ARHGEF26: variants seen among roughly 807,000 people sequenced by gnomAD.
ARHGEF26 encodes Rho guanine nucleotide exchange factor 26.
A neutral mutation model predicts 89.4 loss-of-function variants in ARHGEF26; 59 were observed. That is an observed-to-expected ratio of 0.66 (90% confidence interval 0.54 to 0.82). ARHGEF26 has a LOEUF of 0.82. Among genes scored for constraint, ARHGEF26 ranks in the 40% least tolerant of loss-of-function variants. The pLI is 0.00. For synonymous variants in ARHGEF26, 500 were observed against 428.4 expected (o/e 1.17, Z -2.06); for missense variants, 1,234 against 1,085.6 (o/e 1.14, Z -1.92).
At chr3:154,134,860 T>C (rs1718908791) in intron 4 of ARHGEF26, among the ~76,000 whole-genome samples, 1 of 152,208 alleles carries the variant, frequency 6.6e-6, no homozygotes, top group East Asian at 1.9e-4. Context: ...TCTTTAGTTC[T>C]GTTTATATGA....
In ARHGEF26 at chr3:154,156,292, G is replaced by A. The variant is rs992588556; in HGVS notation, c.1487+3360G>A. On this transcript the variant is annotated intron_variant, in intron 6 of 14. Transcript: ENST00000465093. ...AGACTAAAATTTTACTTTAATTTCAGTCATTTACAAAATTCATTTAAGGTT... is the reference window on the plus strand; with the variant it reads ...AGACTAAAATTTTACTTTAATTTCAATCATTTACAAAATTCATTTAAGGTT... Among the ~76,000 whole-genome samples the A allele has an allele frequency of 3.9e-5, 6 of 152,030 alleles. No individual in the cohort carries two copies. The East Asian group carries it at 5.8e-4, about 15-fold the overall frequency.
intron 6 of ARHGEF26, among the ~76,000 whole-genome samples, chr3:154,169,667 G>T (rs1445839578): frequency 1.3e-5 from 2 of 152,154 alleles, no homozygotes; most frequent in African/African-American, 4.8e-5. Flanking sequence ...ACTGCTGTTG[G>T]CGTGAGTTCA....
chr3:154,255,857 T>C lies in ARHGEF26; in HGVS notation c.*384T>C. The C allele has an allele frequency of 9.9e-7, 1 of 1,008,818 alleles. No individual in the cohort carries two copies. The highest frequency in any genetic ancestry group is 1.2e-6 in the Non-Finnish European group (1 of 845,052). 62.5% of individuals were successfully genotyped at this position (1,008,818 alleles called of 1,614,324 possible). A position where few individuals can be genotyped will look rare whatever the true frequency, so the allele number is the denominator to read the frequency against. ...CTGTCTCTCTTTATACATCCTTGTATGGTTCTCCCAGTATTAGCAAGATTG... is the reference window on the plus strand; with the variant it reads ...CTGTCTCTCTTTATACATCCTTGTACGGTTCTCCCAGTATTAGCAAGATTG... On this transcript the variant is annotated 3_prime_UTR_variant, in exon 15 of 15. Transcript: ENST00000465093.
At chr3:154,236,050 TAAG>T (rs1717108814) in intron 11 of ARHGEF26, among the ~76,000 whole-genome samples, 1 of 152,174 alleles carries the variant, frequency 6.6e-6, no homozygotes, top group Admixed American at 6.5e-5. Context: ...ATAATCTCCT[TAAG>T]AAAGCCACTG....
At chr3:154,186,439 C>T (rs1470834003) in intron 6 of ARHGEF26, among the ~76,000 whole-genome samples, 1 of 151,876 alleles carries the variant, frequency 6.6e-6, no homozygotes, top group Non-Finnish European at 1.5e-5. Flanking sequence ...TTAGGTGACC[C>T]TAAATTGCTA....
intron 1 of ARHGEF26, 101 bp from the exon 2 acceptor site, chr3:154,121,841 C>T (rs1293552394): frequency 3.7e-6 from 4 of 1,078,720 alleles, no homozygotes; most frequent in Non-Finnish European, 3.9e-6. Context: ...GCAGTCGTGT[C>T]CTGCGCAGCA....
chr3:154,175,872 A>T (rs1341955357), intron 6 of ARHGEF26, among the ~76,000 whole-genome samples: 1 of 152,220 alleles, frequency 6.6e-6, no homozygotes, highest in East Asian at 1.9e-4. Context: ...TAATGGAAAG[A>T]TGTATAAACC....
At chr3:154,160,087 CA>C (rs1345388938) in intron 6 of ARHGEF26, among the ~76,000 whole-genome samples, 1 of 152,128 alleles carries the variant, frequency 6.6e-6, no homozygotes. Context: ...CTTCAACTGA[CA>C]GTTGAAAGAC....
intron 9 of ARHGEF26, among the ~76,000 whole-genome samples, chr3:154,198,887 A>G (rs1038545290): frequency 1.3e-5 from 2 of 152,102 alleles, no homozygotes; most frequent in Non-Finnish European, 2.9e-5. Context: ...AAATTTTTTT[A>G]TAGATAAGTA....
rs765346404 is a variant in ARHGEF26, at chr3:154,122,896, G to A, written c.904G>A (p.Val302Met). 2 of 1,613,040 alleles carry A rather than the reference G, an allele frequency of 1.2e-6. No individual in the cohort carries two copies. The highest frequency in any genetic ancestry group is 1.3e-5 in the African/African-American group (1 of 74,928). The change falls in exon 2 of 15, where the codon GTG becomes ATG. Residue 302 changes from valine to methionine, a missense_variant. Coordinates refer to ENST00000465093, the MANE Select transcript of ARHGEF26 (RefSeq NM_015595.4). ...AGEESEVDND[V>M]DSPGSLRRGL... The stretch of plus-strand genomic sequence containing the variant: ...GGAGGAGAGTGAGGTCGATAACGAC[G>A]TGGATAGCCCAGGGTCTCTGCGGAG...
At chr3:154,162,989 A>G (rs890281666) in intron 6 of ARHGEF26, among the ~76,000 whole-genome samples, 5 of 152,082 alleles carry the variant, frequency 3.3e-5, no homozygotes, top group South Asian at 2.1e-4. Flanking sequence ...GCTCCTTCCA[A>G]TTTTCACTTT....
In ARHGEF26 at chr3:154,250,113, C is replaced by T. The variant is rs1462483081; in HGVS notation, c.2301-3003C>T. ...TGGTGCACTCTTGGCTCACCGCAACCTCCGCCTCCCAGGTTGAAGCAATTC... is the reference window on the plus strand; with the variant it reads ...TGGTGCACTCTTGGCTCACCGCAACTTCCGCCTCCCAGGTTGAAGCAATTC... On this transcript the variant is annotated intron_variant, in intron 12 of 14. Transcript: ENST00000465093. Among the ~76,000 whole-genome samples the T allele has an allele frequency of 3.3e-5, 5 of 152,158 alleles. No homozygotes were observed. In the South Asian group the frequency reaches 1.0e-3, roughly 32 times the overall value.
intron 6 of ARHGEF26, among the ~76,000 whole-genome samples, chr3:154,175,686 C>A (rs570925418): frequency 1.3e-5 from 2 of 152,294 alleles, no homozygotes; most frequent in African/African-American, 4.8e-5. Context: ...AGACCACTTT[C>A]CAGGGAACAA....
chr3:154,233,601 G>A (rs746335865), intron 11 of ARHGEF26, among the ~76,000 whole-genome samples: 4 of 152,240 alleles, frequency 2.6e-5, no homozygotes, highest in East Asian at 1.9e-4. Flanking sequence ...TTTAATGCAC[G>A]ACAGTCTAGA....
At chr3:154,137,021 T>C (rs1719050067) in intron 4 of ARHGEF26, among the ~76,000 whole-genome samples, 1 of 152,212 alleles carries the variant, frequency 6.6e-6, no homozygotes, top group Non-Finnish European at 1.5e-5. Flanking sequence ...GGAATCCTTG[T>C]GTCTTTATAA....
intron 6 of ARHGEF26, among the ~76,000 whole-genome samples, chr3:154,186,605 CAT>C (rs757219346): frequency 6.6e-6 from 1 of 151,748 alleles, no homozygotes; most frequent in Non-Finnish European, 1.5e-5. Flanking sequence ...TACTAAAAAA[CAT>C]AAAAATTAGC....
intron 10 of ARHGEF26, among the ~76,000 whole-genome samples, chr3:154,222,810 G>T (rs1190042348): frequency 6.6e-6 from 1 of 152,138 alleles, no homozygotes. Context: ...AGGATAGTTT[G>T]CAGAAAGGGA....
At chr3:154,165,270 T>C (rs527843600) in intron 6 of ARHGEF26, among the ~76,000 whole-genome samples, 1 of 152,152 alleles carries the variant, frequency 6.6e-6, no homozygotes, top group Non-Finnish European at 1.5e-5. Context: ...CAAAGCTGCT[T>C]TTGTGATTGT....
At chr3:154,184,395 C>T (rs763772961) in intron 6 of ARHGEF26, among the ~76,000 whole-genome samples, 1 of 152,142 alleles carries the variant, frequency 6.6e-6, no homozygotes, top group African/African-American at 2.4e-5. Context: ...TATATAGTAC[C>T]TAGAATTCCA....
Sources: allele counts gnomAD v4.1 joint callset (sites outside exome capture counted in the v4.1 genomes callset), GRCh38; gene constraint gnomAD v4.1.1; transcripts MANE v1.5; gene names NCBI Gene and HGNC (gene_info 2026-07-23, HGNC 2026-07-21).